The following RBFOX1 variants were observed in gnomAD, a reference collection of about 807,000 sequenced individuals.
RBFOX1 encodes RNA binding fox-1 homolog 1.
Under a neutral mutation model 57.7 loss-of-function variants are expected in RBFOX1, and 8 were observed. The ratio of observed to expected loss-of-function variants is 0.14; its 90% confidence interval spans 0.08 to 0.25. The LOEUF (loss-of-function observed/expected upper bound fraction) is 0.25, where lower values mean the gene tolerates loss of function less well. Ranked by LOEUF, RBFOX1 falls within the 10% of genes least tolerant of loss-of-function variation. The pLI is 1.00. For missense variants in RBFOX1, 611 were observed against 548.5 expected, an observed-to-expected ratio of 1.11 and a Z score of -1.14; for synonymous variants, 326 against 222.4, an observed-to-expected ratio of 1.47 and a Z score of -4.15.
chr16:6,442,829 A>G (rs908225637), intron 2 of RBFOX1, among the ~76,000 whole-genome samples: 1 of 152,210 alleles, frequency 6.6e-6, no homozygotes, highest in African/African-American at 2.4e-5. Context: ...AGTCAGATTC[A>G]TCTTTTAACA....
At chr16:5,327,980 A>G (rs1310947849) in intron 1 of RBFOX1, among the ~76,000 whole-genome samples, 1 of 152,208 alleles carries the variant, frequency 6.6e-6, no homozygotes, top group African/African-American at 2.4e-5. Context: ...CCCAGGAGAA[A>G]AGGAGAGGTA....
At chr16:5,922,239 G>A (rs1006805177) in intron 4 of RBFOX1, among the ~76,000 whole-genome samples, 1 of 152,156 alleles carries the variant, frequency 6.6e-6, no homozygotes, top group Non-Finnish European at 1.5e-5. Flanking sequence ...AGGGGATGGT[G>A]TTAATCCATT....
chr16:6,956,470 T>A (rs1452163092), intron 3 of RBFOX1, among the ~76,000 whole-genome samples: 2 of 152,152 alleles, frequency 1.3e-5, no homozygotes, highest in African/African-American at 4.8e-5. Context: ...GTCATCGTCT[T>A]CTCAAAGAGA....
At position 6,410,303 on chromosome 16, in the gene RBFOX1, C is replaced by CTTTTTTTTTTTTTTTTTTTTTTTTTTTTT. The variant is rs34012786; in HGVS notation, c.-64+93268_-64+93269insTTTTTTTTTTTTTTTTTTTTTTTTTTTTT. ...CCTGCTGAAACGATGACCTAGGGTT[C>CTTTTTTTTTTTTTTTTTTTTTTTTTTTTT]TTTTTTTTTTTTTTTTTTTTTTGAG... is the stretch of plus-strand genomic sequence containing the variant. On this transcript the variant is annotated intron_variant, in intron 2 of 15. Coordinates refer to ENST00000550418, the MANE Select transcript of RBFOX1 (RefSeq NM_018723.4). 2.3e-5 allele frequency among the ~76,000 whole-genome samples: 2 copies of CTTTTTTTTTTTTTTTTTTTTTTTTTTTTT among 86,744 alleles called. 1 individual carries two copies. Among genetic ancestry groups the CTTTTTTTTTTTTTTTTTTTTTTTTTTTTT allele is most frequent in the Admixed American group, 2.5e-4 (2 of 8,042 alleles). The allele number at this position is 86,744 out of a possible 152,430, so 56.9% of individuals were successfully genotyped here.
In RBFOX1 at chr16:6,019,809, C is replaced by G; in HGVS notation, c.-310C>G. Reference sequence around the variant, plus strand: ...CGCCTGTCCGGACCCTCGCCGCGCCCAGGCAGGCGCGCCAGGGCGGGGCTG... The same window carrying G: ...CGCCTGTCCGGACCCTCGCCGCGCCGAGGCAGGCGCGCCAGGGCGGGGCTG... On this transcript the variant is annotated 5_prime_UTR_variant, in exon 1 of 16. Coordinates refer to ENST00000550418, the MANE Select transcript of RBFOX1 (RefSeq NM_018723.4). The surrounding 1 kb of genome is among the most constrained non-coding windows in gnomAD (Gnocchi z 4.2). 2.0e-6 allele frequency: 3 copies of G among 1,497,072 alleles called. No individual in the cohort carries two copies. Among genetic ancestry groups the G allele is most frequent in the South Asian group, 1.2e-5 (1 of 80,614 alleles). 92.7% of individuals were successfully genotyped at this position (1,497,072 alleles called of 1,614,324 possible). A position where few individuals can be genotyped will look rare whatever the true frequency, so the allele number is the denominator to read the frequency against.
At chr16:7,346,583 A>G (rs139524372) in intron 4 of RBFOX1, among the ~76,000 whole-genome samples, 88 of 151,724 alleles carry the variant, frequency 5.8e-4, no homozygotes, top group African/African-American at 1.9e-3. Flanking sequence ...GGTTTACTCT[A>G]TAGAAGTCTC....
chr16:6,109,591 T>G (rs572252012), intron 1 of RBFOX1, among the ~76,000 whole-genome samples: 6 of 152,300 alleles, frequency 3.9e-5, no homozygotes, highest in Admixed American at 3.9e-4. Context: ...CTAGTGCACT[T>G]AAAAATACAT....
At chr16:7,259,000 C>G (rs942399526) in intron 4 of RBFOX1, among the ~76,000 whole-genome samples, 1 of 152,184 alleles carries the variant, frequency 6.6e-6, no homozygotes, top group South Asian at 2.1e-4. Flanking sequence ...CTTGTATTCC[C>G]TCACCTCTTG....
chr16:6,973,321 G>T (rs1050600236), intron 3 of RBFOX1, among the ~76,000 whole-genome samples: 1 of 152,086 alleles, frequency 6.6e-6, no homozygotes, highest in East Asian at 1.9e-4. Context: ...ATAAAGCTCA[G>T]CTTTGTTGTC....
intron 4 of RBFOX1, among the ~76,000 whole-genome samples, chr16:5,889,316 G>A (rs140582975): frequency 6.6e-6 from 1 of 152,120 alleles, no homozygotes; most frequent in Non-Finnish European, 1.5e-5. Context: ...GTGAGAACAC[G>A]TGGTGTTTGC....
At chr16:5,480,377 T>C (rs62016459) in intron 2 of RBFOX1, among the ~76,000 whole-genome samples, 1 of 128,290 alleles carries the variant, frequency 7.8e-6, no homozygotes, top group Non-Finnish European at 1.8e-5. Flanking sequence ...GTATAGATTA[T>C]TTAAAAAAAA....
intron 3 of RBFOX1, among the ~76,000 whole-genome samples, chr16:6,880,242 G>A (rs2062662230): frequency 6.6e-6 from 1 of 152,112 alleles, no homozygotes; most frequent in Non-Finnish European, 1.5e-5. Context: ...AACATGACAA[G>A]AAGGGAAAGA....
intron 4 of RBFOX1, among the ~76,000 whole-genome samples, chr16:7,462,814 G>A (rs145212637): frequency 1.3e-5 from 2 of 152,252 alleles, no homozygotes; most frequent in East Asian, 3.9e-4. Flanking sequence ...ACAGCTACTC[G>A]AGTCTCTTTT....
intron 1 of RBFOX1, among the ~76,000 whole-genome samples, chr16:6,261,351 T>C (rs544552992): frequency 4.3e-4 from 66 of 152,340 alleles, no homozygotes; most frequent in Admixed American, 3.5e-3. Flanking sequence ...AGGAAGGTTG[T>C]TTTTTTCTCT....
intron 6 of RBFOX1, among the ~76,000 whole-genome samples, chr16:7,581,596 A>G (rs1385367127): frequency 6.6e-6 from 1 of 152,084 alleles, no homozygotes; most frequent in Non-Finnish European, 1.5e-5. Flanking sequence ...ATTCACAGGA[A>G]TCAGAGAAGG....
chr16:7,536,292 C>G (rs144023926), intron 5 of RBFOX1, among the ~76,000 whole-genome samples: 2 of 152,180 alleles, frequency 1.3e-5, no homozygotes, highest in Non-Finnish European at 2.9e-5. Flanking sequence ...AAAGAAGTGA[C>G]TTTTAACATG....
At chr16:6,996,745 A>T (rs1167104868) in intron 3 of RBFOX1, among the ~76,000 whole-genome samples, 1 of 152,142 alleles carries the variant, frequency 6.6e-6, no homozygotes, top group African/African-American at 2.4e-5. Flanking sequence ...GCAATTTTTG[A>T]GCACTTTTCT....
intron 1 of RBFOX1, among the ~76,000 whole-genome samples, chr16:6,292,611 G>C (rs1370601323): frequency 6.6e-6 from 1 of 152,100 alleles, no homozygotes; most frequent in African/African-American, 2.4e-5. Context: ...GAACCTCATG[G>C]AGTCAATTTG....
intron 4 of RBFOX1, chr16:7,304,154 C>G: frequency 1.0e-6 from 1 of 954,508 alleles, no homozygotes; most frequent in South Asian, 4.9e-5. Context: ...GGAGGAGGGA[C>G]CGGCGGGGTG....
Sources: allele counts gnomAD v4.1 joint callset (sites outside exome capture counted in the v4.1 genomes callset), GRCh38; gene constraint gnomAD v4.1.1; non-coding constraint Gnocchi (gnomAD v3.1); transcripts MANE v1.5; gene names NCBI Gene and HGNC (gene_info 2026-07-23, HGNC 2026-07-21).